Variants in ZNF83 observed in about 807,000 individuals in gnomAD.
The protein encoded by ZNF83 is zinc finger protein 816B.
For missense variants in ZNF83, 552 were observed against 629.9 expected, an observed-to-expected ratio of 0.88 and a Z score of 1.32; for synonymous variants, 209 against 213.0, an observed-to-expected ratio of 0.98 and a Z score of 0.17.
At chr19:52,682,785 T>C (rs913117490) in intron 1 of ZNF83, among the ~76,000 whole-genome samples, 9 of 152,162 alleles carry the variant, frequency 5.9e-5, no homozygotes, top group African/African-American at 2.2e-4. Context: ...TGGGGATCAC[T>C]TGAGCCCAGG....
intron 2 of ZNF83, among the ~76,000 whole-genome samples, chr19:52,632,125 G>A (rs973839073): frequency 1.3e-5 from 2 of 152,154 alleles, no homozygotes; most frequent in African/African-American, 4.8e-5. Flanking sequence ...CTTCCCTTCT[G>A]TCAGACATAA....
At chr19:52,614,447 A>G in exon 3 of ZNF83, 1 of 1,613,244 alleles carries the variant, frequency 6.2e-7, no homozygotes, top group Non-Finnish European at 8.5e-7. Context: ...ATGTGATCAT[A>G]TTTATATATT....
At chr19:52,637,901 G>T (rs1214059633) in intron 1 of ZNF83, among the ~76,000 whole-genome samples, 1 of 152,172 alleles carries the variant, frequency 6.6e-6, no homozygotes, top group Non-Finnish European at 1.5e-5. Context: ...GGGTCTGCAG[G>T]ATTCCAGGAC....
chr19:52,683,228 CTGTGTGTGTGTG>C lies in ZNF83; in HGVS notation c.-283+7203_-283+7214del, dbSNP rs67463602. Among the ~76,000 whole-genome samples, 841 of 128,006 alleles carry C rather than the reference CTGTGTGTGTGTG, an allele frequency of 6.6e-3. 4 individuals carry two copies. Among genetic ancestry groups the C allele is most frequent in the East Asian group, 0.015 (71 of 4,588 alleles). The allele number at this position is 128,006 out of a possible 152,430, so 84.0% of individuals were successfully genotyped here. A position where few individuals can be genotyped will look rare whatever the true frequency, so the allele number is the denominator to read the frequency against. ...TCAGCTCCTCAGCTGCCCTGTGACT[CTGTGTGTGTGTG>C]TGTGTGTGTGTGTGTGTGTGTGTGT... is the stretch of plus-strand genomic sequence containing the variant. On this transcript the variant is annotated intron_variant, in intron 1 of 5. Transcript: ENST00000594682.
At chr19:52,643,931 A>T in intron 3 of ZNF83, among the ~76,000 whole-genome samples, 1 of 152,186 alleles carries the variant, frequency 6.6e-6, no homozygotes, top group East Asian at 1.9e-4. Flanking sequence ...ACTGGGGCAG[A>T]GGTAGTCATG....
rs184045032 is a variant in ZNF83, at chr19:52,630,741, T to C, written c.-234+4325A>G. Among the ~76,000 whole-genome samples the C allele has an allele frequency of 5.0e-3, 755 of 152,108 alleles. 8 individuals are homozygous for C. The highest frequency in any genetic ancestry group is 0.017 in the African/African-American group (722 of 41,480). On this transcript the variant is annotated intron_variant, in intron 2 of 2. Transcript: ENST00000301096. Reference sequence around the variant, plus strand: ...CCATCCCATTAAAACCTAATCACCCTTACCCCACTCAACGCCAGTATCCCA... The same window carrying C: ...CCATCCCATTAAAACCTAATCACCCCTACCCCACTCAACGCCAGTATCCCA...
In ZNF83 at chr19:52,614,532, C is replaced by T. The variant is rs116270618; in HGVS notation, c.33G>A (p.Gln11=). 683 of 1,600,746 alleles carry T rather than the reference C, an allele frequency of 4.3e-4. 2 individuals are homozygous for T. The African/African-American group carries it at 8.4e-3, about 20-fold the overall frequency. ...TTAATCCAAGCTGATTTTTAACAGG[C>T]TGCTTTTGTGCATCATCCTTTCTCC... Residue 11 remains glutamine, a synonymous_variant, in exon 3 of 3, where the codon CAG becomes CAA. Transcript: ENST00000301096.
Position 52,637,740 on chromosome 19 carries a change from G to A in ZNF83, c.-322+572C>T, listed in dbSNP as rs907931205. Among the ~76,000 whole-genome samples, 28 of 152,238 alleles carry A rather than the reference G, an allele frequency of 1.8e-4. 1 individual carries two copies. Among genetic ancestry groups the A allele is most frequent in the African/African-American group, 6.3e-4 (26 of 41,550 alleles). The stretch of plus-strand genomic sequence containing the variant: ...TTTTCCGGGGGCTGGAGCTGGGCAG[G>A]CAAGAACACCCCGTGTCACAGGACA... On this transcript the variant is annotated intron_variant, in intron 1 of 2. Coordinates refer to ENST00000301096, the Ensembl canonical transcript of ZNF83.
intron 3 of ZNF83, among the ~76,000 whole-genome samples, chr19:52,653,481 GTA>G (rs2061469289): frequency 6.6e-6 from 1 of 152,180 alleles, no homozygotes; most frequent in African/African-American, 2.4e-5. Flanking sequence ...CCTTACATTT[GTA>G]TGGTTTCTCT....
rs1398963265 is a variant in ZNF83, at chr19:52,655,733, TACCTTCAC to T, written c.-200-54_-200-47del. On this transcript the variant is annotated intron_variant, in intron 2 of 5. Coordinates refer to the ZNF83 transcript ENST00000594682. Reference sequence around the variant, plus strand: ...CAACAAAACATTAGGGAGGAGTCATTACCTTCACACAAAATGAGAAAAGAGAAAATAAG... The same window carrying T: ...CAACAAAACATTAGGGAGGAGTCATTACAAAATGAGAAAAGAGAAAATAAG... The T allele has an allele frequency of 7.7e-6, 6 of 779,032 alleles. No homozygotes were observed. The African/African-American group carries it at 1.0e-4, about 14-fold the overall frequency. 48.3% of individuals were successfully genotyped at this position (779,032 alleles called of 1,614,324 possible). A position where few individuals can be genotyped will look rare whatever the true frequency, so the allele number is the denominator to read the frequency against.
At chr19:52,636,226 G>T (rs942159958) in intron 1 of ZNF83, 3 of 152,060 alleles carry the variant, frequency 2.0e-5, no homozygotes, top group Non-Finnish European at 4.4e-5. Flanking sequence ...GACGTAGGAG[G>T]ATTACTTGAG....
At chr19:52,666,259 CAG>C (rs1347140074) in intron 1 of ZNF83, among the ~76,000 whole-genome samples, 1 of 150,968 alleles carries the variant, frequency 6.6e-6, no homozygotes, top group Non-Finnish European at 1.5e-5. Context: ...GAGAAAGAGA[CAG>C]AGAGTCAGAA....
intron 3 of ZNF83, among the ~76,000 whole-genome samples, chr19:52,646,959 T>C (rs1398521761): frequency 6.6e-6 from 1 of 152,214 alleles, no homozygotes; most frequent in Non-Finnish European, 1.5e-5. Flanking sequence ...CCTGCTTCTG[T>C]AAGCTTGCCT....
At chr19:52,680,706 G>C (rs370026284) in intron 1 of ZNF83, among the ~76,000 whole-genome samples, 99 of 134,710 alleles carry the variant, frequency 7.3e-4, no homozygotes, top group South Asian at 3.5e-3. Flanking sequence ...TCCGCCTCCC[G>C]GGTTCACGCC....
At chr19:52,614,989 A>C (rs1339480853) in intron 2 of ZNF83, among the ~76,000 whole-genome samples, 192 bp from the exon 3 acceptor site, 1 of 152,204 alleles carries the variant, frequency 6.6e-6, no homozygotes, top group East Asian at 1.9e-4. Flanking sequence ...GGGTGACTGC[A>C]CATAATTCAA....
chr19:52,683,104 A>G (rs1600276502), intron 1 of ZNF83, among the ~76,000 whole-genome samples: 1 of 152,114 alleles, frequency 6.6e-6, no homozygotes, highest in Non-Finnish European at 1.5e-5. Flanking sequence ...TCCTGACTTC[A>G]AGTGATCCAC....
intron 2 of ZNF83, among the ~76,000 whole-genome samples, chr19:52,627,162 C>T (rs760057406): frequency 4.6e-5 from 7 of 151,574 alleles, no homozygotes; most frequent in Non-Finnish European, 8.8e-5. Context: ...TGTAACTATC[C>T]ACTGCTTACC....
intron 1 of ZNF83, among the ~76,000 whole-genome samples, chr19:52,687,354 TATATAAATTATA>T (rs1455423579): frequency 5.2e-5 from 5 of 96,708 alleles, no homozygotes; most frequent in African/African-American, 2.2e-4. Context: ...TTTATATAGC[TATATAAATTATA>T]ATATAAATTA....
upstream of ZNF83, among the ~76,000 whole-genome samples, chr19:52,642,261 CTTTTTTTTTTTTTTTT>C (rs869173970): frequency 2.5e-4 from 12 of 47,832 alleles, no homozygotes; most frequent in African/African-American, 1.1e-3. Flanking sequence ...AGTATTGTAG[CTTTTTTTTTTTTTTTT>C]TTTTTTTTTT....
Sources: allele counts gnomAD v4.1 joint callset (sites outside exome capture counted in the v4.1 genomes callset), GRCh38; gene constraint gnomAD v4.1.1; transcripts MANE v1.5; gene names NCBI Gene and HGNC (gene_info 2026-07-23, HGNC 2026-07-21).